TAPT1: variants seen among roughly 807,000 people sequenced by gnomAD.
TAPT1 encodes the protein transmembrane anterior posterior transformation 1, also known as transmembrane anterior posterior transformation protein 1 homolog.
TAPT1 carries 28 observed loss-of-function variants against 65.6 expected under a neutral mutation model. The ratio of observed to expected loss-of-function variants is 0.43; its 90% CI spans 0.32 to 0.59. The LOEUF is 0.59. TAPT1 is among the 20% of genes least tolerant of loss of function. The pLI is 0.09. For missense variants in TAPT1, 563 were observed against 679.9 expected (o/e 0.83, Z 1.91); for synonymous variants, 278 against 245.2 (o/e 1.13, Z -1.25).
intron 1 of TAPT1, among the ~76,000 whole-genome samples, chr4:16,217,614 A>G (rs1751016888): frequency 6.6e-6 from 1 of 152,238 alleles, no homozygotes; most frequent in Non-Finnish European, 1.5e-5. Flanking sequence ...TTGAAAGATG[A>G]TCTATATGAA....
At chr4:16,192,482 AT>A (rs549616726) in intron 3 of TAPT1, among the ~76,000 whole-genome samples, 1 of 152,158 alleles carries the variant, frequency 6.6e-6, no homozygotes, top group Non-Finnish European at 1.5e-5. Flanking sequence ...CAGTTGAAAT[AT>A]TTTTTTCATA....
rs1357953095 is a variant in TAPT1, at chr4:16,163,293, C to A, written c.*15G>T. Reference sequence around the variant, plus strand: ...GCCCCAGGACCCAGCTTCTTCAGCGCATGAAGCCACAGATTCAGTCAATTC... The same window carrying A: ...GCCCCAGGACCCAGCTTCTTCAGCGAATGAAGCCACAGATTCAGTCAATTC... On this transcript the variant is annotated 3_prime_UTR_variant, in exon 14 of 14. Transcript: ENST00000405303. 1 of 1,602,202 alleles carries A rather than the reference C, an allele frequency of 6.2e-7. No homozygotes were observed. The highest frequency in any genetic ancestry group is 8.6e-7 in the Non-Finnish European group (1 of 1,169,200).
At chr4:16,217,110 C>T (rs941833679) in intron 1 of TAPT1, among the ~76,000 whole-genome samples, 8 of 152,182 alleles carry the variant, frequency 5.3e-5, no homozygotes, top group African/African-American at 1.4e-4. Flanking sequence ...CATGCCCAGA[C>T]GGTACCCTCT....
chr4:16,176,393 C>G, intron 8 of TAPT1, 165 bp from the exon 9 acceptor site: 1 of 460,584 alleles, frequency 2.2e-6, no homozygotes, highest in Non-Finnish European at 3.8e-6. Flanking sequence ...TATACTGTAT[C>G]AAGTTAAAGG....
chr4:16,183,682 TA>T (rs991825950), intron 7 of TAPT1, among the ~76,000 whole-genome samples: 4 of 151,994 alleles, frequency 2.6e-5, no homozygotes, highest in African/African-American at 4.8e-5. Context: ...TGAATTAATT[TA>T]AAAAAAACAT....
chr4:16,181,131 A>G (rs986279596), intron 7 of TAPT1, among the ~76,000 whole-genome samples: 3 of 152,232 alleles, frequency 2.0e-5, no homozygotes, highest in Admixed American at 6.5e-5. Context: ...GACACAAAAT[A>G]TATTCTTTGT....
Position 16,213,856 on chromosome 4 carries a change from C to A in TAPT1, c.242G>T (p.Gly81Val), listed in dbSNP as rs900553486. 1 of 1,609,198 alleles carries A rather than the reference C, an allele frequency of 6.2e-7. No individual in the cohort carries two copies. Among genetic ancestry groups the A allele is most frequent in the Non-Finnish European group, 8.5e-7 (1 of 1,178,564 alleles). ...GGCCTCATTATGTTCAAGGAAGTAC[C>A]CTCTTGTTAGTTCAGCACTGAGGAA... ...LRFLSAELTR[G>V]YFLEHNEAKY... is the part of the protein sequence containing the mutation. Residue 81 changes from glycine (G) to valine (V), a missense_variant, in exon 2 of 14, where the codon GGG (glycine) becomes GTG (valine). Coordinates refer to ENST00000405303, the MANE Select transcript of TAPT1 (RefSeq NM_153365.3).
intron 1 of TAPT1, 200 bp downstream of exon 1, chr4:16,226,059 G>A (rs533189278): frequency 5.9e-6 from 6 of 1,014,944 alleles, no homozygotes; most frequent in African/African-American, 1.7e-5. Context: ...TCGGGGCTGC[G>A]CGCGCAACCC....
chr4:16,179,730 T>C, intron 7 of TAPT1, 73 bp from the exon 8 acceptor site: 1 of 723,292 alleles, frequency 1.4e-6, no homozygotes. Context: ...TATAATTATT[T>C]TAGCCAGAAC....
chr4:16,219,766 T>G (rs1311997877), intron 1 of TAPT1, among the ~76,000 whole-genome samples: 1 of 152,214 alleles, frequency 6.6e-6, no homozygotes, highest in African/African-American at 2.4e-5. Flanking sequence ...ATGGTGTCCA[T>G]ATTTTGTCCA....
At chr4:16,211,016 A>G (rs1443608063) in intron 2 of TAPT1, among the ~76,000 whole-genome samples, 1 of 151,170 alleles carries the variant, frequency 6.6e-6, no homozygotes, top group African/African-American at 2.5e-5. Context: ...GTATTTATCC[A>G]ATGACAATAC....
intron 3 of TAPT1, among the ~76,000 whole-genome samples, chr4:16,198,305 A>T (rs918548110): frequency 1.3e-5 from 2 of 152,240 alleles, no homozygotes; most frequent in African/African-American, 4.8e-5. Context: ...CAAATGCTGT[A>T]CAAGATGTAA....
chr4:16,226,961 C>T (rs1390264025), upstream of TAPT1: 1 of 405,830 alleles, frequency 2.5e-6, no homozygotes. Flanking sequence ...TGCGCCGGCG[C>T]CGCCCGCCAG....
intron 13 of TAPT1, among the ~76,000 whole-genome samples, chr4:16,165,327 T>C (rs199887327): frequency 6.6e-6 from 1 of 152,044 alleles, no homozygotes; most frequent in Non-Finnish European, 1.5e-5. Flanking sequence ...TCCCAGCACT[T>C]TGGGAGGCCG....
chr4:16,199,639 T>C (rs1469215715), intron 3 of TAPT1, among the ~76,000 whole-genome samples: 1 of 152,090 alleles, frequency 6.6e-6, no homozygotes, highest in Non-Finnish European at 1.5e-5. Context: ...TCAACCAGGA[T>C]GGAATGCAGT....
At chr4:16,204,825 T>A (rs73798873) in intron 2 of TAPT1, among the ~76,000 whole-genome samples, 3,222 of 152,340 alleles carry the variant, frequency 0.021, 114 homozygotes, top group African/African-American at 0.073. Flanking sequence ...CTAATGACAC[T>A]TTCACTCATC....
intron 2 of TAPT1, among the ~76,000 whole-genome samples, chr4:16,208,025 T>C (rs1750444666): frequency 6.6e-6 from 1 of 152,178 alleles, no homozygotes; most frequent in Non-Finnish European, 1.5e-5. Context: ...TGAACATATA[T>C]AAACACGGAA....
chr4:16,180,632 C>CT (rs958348183), intron 7 of TAPT1, among the ~76,000 whole-genome samples: 2 of 152,170 alleles, frequency 1.3e-5, no homozygotes, highest in African/African-American at 2.4e-5. Context: ...CTTTGCTTCT[C>CT]TTTTTTTACT....
chr4:16,178,344 T>C (rs1428360752), intron 8 of TAPT1, among the ~76,000 whole-genome samples: 1 of 152,236 alleles, frequency 6.6e-6, no homozygotes, highest in Non-Finnish European at 1.5e-5. Context: ...TCTCTCATTT[T>C]ATATGTTTTT....
Sources: gnomAD v4.1 joint callset for allele counts (sites outside exome capture counted in the v4.1 genomes callset) on GRCh38, gnomAD v4.1.1 for gene constraint, MANE v1.5 for transcripts, NCBI Gene and HGNC (gene_info 2026-07-23, HGNC 2026-07-21) for gene names.